POLR3A: variants seen among roughly 807,000 people sequenced by gnomAD.
The protein encoded by POLR3A is RNA polymerase III subunit A, also known as DNA-directed RNA polymerase III subunit RPC1.
In POLR3A, 112 loss-of-function variants were observed where a neutral mutation model predicts 152.8. The observed-to-expected ratio is 0.73, with a 90% CI of 0.63 to 0.86. The LOEUF is 0.86. POLR3A is among the 40% of genes least tolerant of loss of function. POLR3A has a pLI of 0.00. For synonymous variants in POLR3A, 615 were observed against 652.1 expected (o/e 0.94, Z 0.87); for missense variants, 1,385 against 1,743.1 (o/e 0.79, Z 3.66).
intron 25 of POLR3A, 23 bp from the exon 26 acceptor site, chr10:77,984,035 T>C (rs921332990): frequency 1.3e-6 from 2 of 1,530,990 alleles, no homozygotes; most frequent in Admixed American, 1.7e-5. Flanking sequence ...AAGATCAGAC[T>C]GTTAATCAGC....
At chr10:77,985,808 G>T in intron 23 of POLR3A, 95 bp downstream of exon 23, 1 of 920,760 alleles carries the variant, frequency 1.1e-6, no homozygotes, top group Non-Finnish European at 1.8e-6. Context: ...CAGTTAACAA[G>T]TGAGCTGGTG....
At position 77,991,672 on chromosome 10, in the gene POLR3A, G is replaced by A. The variant is rs530847238; in HGVS notation, c.2788-505C>T. Among the ~76,000 whole-genome samples the A allele has an allele frequency of 5.7e-4, 86 of 152,180 alleles. 2 individuals carry two copies. The South Asian group carries it at 0.017, about 30-fold the overall frequency. ...CGAGTAGCTGGGACTACAGGCATGCGCCACCACGTACGATTAATTTTTTTG... is the reference window on the plus strand; with the variant it reads ...CGAGTAGCTGGGACTACAGGCATGCACCACCACGTACGATTAATTTTTTTG... On this transcript the variant is annotated intron_variant, in intron 20 of 30. Coordinates refer to ENST00000372371, the MANE Select transcript of POLR3A (RefSeq NM_007055.4).
In POLR3A at chr10:78,002,192, C is replaced by G. The variant is rs745840014; in HGVS notation, c.2359+5G>C. The G allele has an allele frequency of 1.3e-6, 2 of 1,565,084 alleles. No homozygotes were observed. Among genetic ancestry groups the G allele is most frequent in the East Asian group, 2.3e-5 (1 of 43,356 alleles). ...TGCCAGCAGGTGAGAGAGGGGCATG[C>G]AGACCTTTGGAGCCGCACAGAGCCA... On this transcript the variant is annotated splice_donor_5th_base_variant and intron_variant, in intron 17 of 30. Coordinates refer to ENST00000372371, the MANE Select transcript of POLR3A (RefSeq NM_007055.4).
At chr10:78,017,433 C>T (rs1424439946) in intron 10 of POLR3A, 142 bp downstream of exon 10, 11 of 783,188 alleles carry the variant, frequency 1.4e-5, no homozygotes, top group Non-Finnish European at 2.2e-5. Context: ...GGTGACAGAG[C>T]AAGAGCCTGT....
chr10:77,990,741 C>A (rs577866402), intron 21 of POLR3A, among the ~76,000 whole-genome samples: 34 of 151,864 alleles, frequency 2.2e-4, no homozygotes, highest in African/African-American at 6.0e-4. Context: ...CTCAGCCTCC[C>A]GAGCTGGGAT....
intron 27 of POLR3A, 120 bp from the exon 28 acceptor site, chr10:77,982,438 G>T (rs1847156099): frequency 9.6e-7 from 1 of 1,045,666 alleles, no homozygotes; most frequent in Non-Finnish European, 1.5e-6. Context: ...TAGTTTTAGG[G>T]ATAAGGGAGA....
chr10:78,021,536 G>A lies in POLR3A; in HGVS notation c.1185+10C>T, dbSNP rs1459088530. 2 of 1,613,318 alleles carry A rather than the reference G, an allele frequency of 1.2e-6. No individual in the cohort carries two copies. Among genetic ancestry groups the A allele is most frequent in the African/African-American group, 1.3e-5 (1 of 74,904 alleles). On this transcript the variant is annotated intron_variant, in intron 8 of 30. Coordinates refer to ENST00000372371, the MANE Select transcript of POLR3A (RefSeq NM_007055.4). ...AAAACAAAGAATTGAGCAGCTGAGT[G>A]GTCACTTACCTTCTCAGGAAAAGTT...
chr10:77,999,965 C>A lies in POLR3A; in HGVS notation c.2616+16G>T. ...GTCCTGCTCTGTTGCTAATGGCCTA[C>A]ATTTCTTCAGGTTACCTGCATGTAT... On this transcript the variant is annotated intron_variant, in intron 19 of 30. Transcript: ENST00000372371. 1 of 1,613,772 alleles carries A rather than the reference C, an allele frequency of 6.2e-7. No individual in the cohort carries two copies. The highest frequency in any genetic ancestry group is 1.1e-5 in the South Asian group (1 of 91,084).
chr10:78,003,986 A>C (rs558372017), intron 16 of POLR3A, among the ~76,000 whole-genome samples: 9 of 152,158 alleles, frequency 5.9e-5, no homozygotes, highest in African/African-American at 1.7e-4. Context: ...CTGTAATCCC[A>C]GTACTTTGGG....
chr10:78,010,090 G>T lies in POLR3A; in HGVS notation c.1643-99C>A, dbSNP rs182517865. On this transcript the variant is annotated intron_variant, in intron 12 of 30. Coordinates refer to ENST00000372371, the MANE Select transcript of POLR3A (RefSeq NM_007055.4). ...AAATAAATTTGAACCATGACCAACA[G>T]CGTGAATTGAAACAAACAGCTGCTT... 2,753 of 1,468,878 alleles carry T rather than the reference G, an allele frequency of 1.9e-3. 3 individuals are homozygous for T. Among genetic ancestry groups the T allele is most frequent in the Non-Finnish European group, 2.4e-3 (2,589 of 1,076,394 alleles). The allele number at this position is 1,468,878 out of a possible 1,614,324, so 91.0% of individuals were successfully genotyped here.
rs377026118 is a variant in POLR3A, at chr10:78,021,109, C to T, written c.1185+437G>A. On this transcript the variant is annotated intron_variant, in intron 8 of 30. Coordinates refer to ENST00000372371, the MANE Select transcript of POLR3A (RefSeq NM_007055.4). ...TCTCCCCAGTAGCTGGGACCACAGG[C>T]GCCTGCCACCACTCCTGGCTAATTT... 1.2e-4 allele frequency among the ~76,000 whole-genome samples: 19 copies of T among 152,188 alleles called. No individual in the cohort carries two copies. In the South Asian group the frequency reaches 3.7e-3, roughly 30 times the overall value.
chr10:77,998,477 A>G (rs1462431545), intron 19 of POLR3A, among the ~76,000 whole-genome samples: 2 of 152,258 alleles, frequency 1.3e-5, no homozygotes, highest in Non-Finnish European at 2.9e-5. Context: ...AACCCCATCA[A>G]AAAGTGGGTG....
intron 21 of POLR3A, among the ~76,000 whole-genome samples, chr10:77,988,767 G>A (rs1847221140): frequency 6.6e-6 from 1 of 152,182 alleles, no homozygotes; most frequent in South Asian, 2.1e-4. Context: ...TATAAGAGGG[G>A]GCTTTGCCTG....
rs538120269 is a variant in POLR3A at position 78,001,286 on chromosome 10, C to T, written c.2360-192G>A. On this transcript the variant is annotated intron_variant, in intron 17 of 30. Transcript: ENST00000372371. The stretch of plus-strand genomic sequence containing the variant: ...GAACCCAAGAAAGGCGGAACGACGG[C>T]GAGAGGAGCCAGGAGCATGTGTGGG... Among the ~76,000 whole-genome samples the T allele has an allele frequency of 4.3e-4, 66 of 152,148 alleles. 1 individual carries two copies. The highest frequency in any genetic ancestry group is 7.4e-4 in the Non-Finnish European group (50 of 68,014).
At position 78,021,784 on chromosome 10, in the gene POLR3A, A is replaced by C. The variant is rs113989827; in HGVS notation, c.1048+76T>G. The C allele has an allele frequency of 1.3e-4, 217 of 1,610,178 alleles. 5 individuals are homozygous for C. The African/African-American group carries it at 2.0e-3, about 15-fold the overall frequency. On this transcript the variant is annotated intron_variant, in intron 7 of 30. Transcript: ENST00000372371. ...AGGAAAGCCTGTGACCTCCAATCAG[A>C]GAAGCTGGACAGACACTCCTGAAAA...
chr10:78,013,806 C>T lies in POLR3A; in HGVS notation c.1432-16G>A. 6.2e-7 allele frequency: 1 copy of T among 1,614,088 alleles called. No homozygotes were observed. Among genetic ancestry groups the T allele is most frequent in the South Asian group, 1.1e-5 (1 of 91,082 alleles). On this transcript the variant is annotated splice_polypyrimidine_tract_variant and intron_variant, in intron 10 of 30. Coordinates refer to ENST00000372371, the MANE Select transcript of POLR3A (RefSeq NM_007055.4). Reference sequence around the variant, plus strand: ...TGACCCTGGCCTGTGGAACACAAAACAAAACAAAACAGGAAGAGGACTTAG... The same window carrying T: ...TGACCCTGGCCTGTGGAACACAAAATAAAACAAAACAGGAAGAGGACTTAG...
At chr10:78,025,968 T>A in intron 2 of POLR3A, 126 bp downstream of exon 2, 1 of 1,280,330 alleles carries the variant, frequency 7.8e-7, no homozygotes, top group Non-Finnish European at 1.1e-6. Flanking sequence ...GTTCTTGACC[T>A]AGTCTAATAT....
intron 28 of POLR3A, 57 bp from the exon 29 acceptor site, chr10:77,981,616 C>T: frequency 6.3e-7 from 1 of 1,594,020 alleles, no homozygotes; most frequent in South Asian, 1.1e-5. Context: ...ACTGCAAATT[C>T]TCTCCACTTT....
chr10:78,016,946 GTA>G (rs1389324612), intron 10 of POLR3A, among the ~76,000 whole-genome samples: 1 of 151,554 alleles, frequency 6.6e-6, no homozygotes, highest in Non-Finnish European at 1.5e-5. Flanking sequence ...ACATATACGT[GTA>G]TATGTTTTTG....
Sources: gnomAD v4.1 joint callset for allele counts (sites outside exome capture counted in the v4.1 genomes callset) on GRCh38, gnomAD v4.1.1 for gene constraint, MANE v1.5 for transcripts, NCBI Gene and HGNC (gene_info 2026-07-23, HGNC 2026-07-21) for gene names.